AIMP2: variants seen among roughly 807,000 people sequenced by gnomAD.
The protein encoded by AIMP2 is aminoacyl tRNA synthetase complex interacting multifunctional protein 2.
In AIMP2, 20 loss-of-function variants were observed where a neutral mutation model predicts 23.4. The observed-to-expected ratio is 0.85, with a 90% CI of 0.60 to 1.24. The LOEUF is 1.24. AIMP2 is among the 50% of genes most tolerant of loss of function. The pLI is 0.00. For missense variants in AIMP2, 515 were observed against 414.5 expected (o/e 1.24, Z -2.10); for synonymous variants, 210 against 170.4 (o/e 1.23, Z -1.81).
chr7:6,015,013 C>A, intron 1 of AIMP2, 133 bp from the exon 2 acceptor site: 1 of 1,528,074 alleles, frequency 6.5e-7, no homozygotes, highest in Non-Finnish European at 8.8e-7. Context: ...AGCCACCACA[C>A]CCAGCCCATA....
chr7:6,009,272 A>G lies in AIMP2; in HGVS notation c.-92A>G, dbSNP rs182288821. 142 of 1,601,138 alleles carry G rather than the reference A, an allele frequency of 8.9e-5. 1 individual carries two copies. The African/African-American group carries it at 1.5e-3, about 16-fold the overall frequency. ...TTTCCCGAACGCCCGCAGCAGGGTC[A>G]GAAGGGAGGTGGCCGGTCTCCGTCG... On this transcript the variant is annotated 5_prime_UTR_variant, in exon 1 of 4. Transcript: ENST00000223029.
chr7:6,019,243 G>A (rs2128880251), intron 3 of AIMP2, among the ~76,000 whole-genome samples: 1 of 151,494 alleles, frequency 6.6e-6, no homozygotes, highest in African/African-American at 2.4e-5. Context: ...CTCTTGGGAG[G>A]CCGAGGCGGG....
At chr7:6,012,557 C>G (rs900921059) in intron 1 of AIMP2, 1 of 194,690 alleles carries the variant, frequency 5.1e-6, no homozygotes, top group African/African-American at 2.3e-5. Flanking sequence ...CATTCCTGAC[C>G]GAGGTTTTTT....
intron 3 of AIMP2, among the ~76,000 whole-genome samples, chr7:6,018,475 C>G (rs1276121979): frequency 6.6e-6 from 1 of 151,062 alleles, no homozygotes; most frequent in Non-Finnish European, 1.5e-5. Flanking sequence ...CAATAACTAT[C>G]TTGGAAAATT....
At chr7:6,012,949 G>A in intron 1 of AIMP2, 2 of 988,532 alleles carry the variant, frequency 2.0e-6, no homozygotes, top group Non-Finnish European at 2.4e-6. Flanking sequence ...AAGAGCAGCA[G>A]ACTAGGAGAG....
chr7:6,017,211 G>C (rs1303368199), intron 2 of AIMP2, among the ~76,000 whole-genome samples: 2 of 151,996 alleles, frequency 1.3e-5, no homozygotes, highest in African/African-American at 4.8e-5. Context: ...GGTTAAAAGG[G>C]ACAAATAAAA....
chr7:6,017,204 TA>T (rs1787077876), intron 2 of AIMP2, among the ~76,000 whole-genome samples: 1 of 151,926 alleles, frequency 6.6e-6, no homozygotes, highest in Non-Finnish European at 1.5e-5. Flanking sequence ...AACTGCAGGT[TA>T]AAAGGGACAA....
rs535927543 is a variant in AIMP2, at chr7:6,014,554, C to T, written c.136-592C>T. Among the ~76,000 whole-genome samples the T allele has an allele frequency of 2.0e-4, 31 of 151,958 alleles. No individual in the cohort carries two copies. In the East Asian group the frequency reaches 5.2e-3, roughly 26 times the overall value. On this transcript the variant is annotated intron_variant, in intron 1 of 3. Transcript: ENST00000223029. The stretch of plus-strand genomic sequence containing the variant: ...GGATTACAGGTATGAGCCACCGCAC[C>T]TGGCCTTGTTTTAAGCATTTGGGGA...
At chr7:6,022,795 G>C (rs1340321738) in intron 3 of AIMP2, 1 of 153,722 alleles carries the variant, frequency 6.5e-6, no homozygotes, top group Non-Finnish European at 1.4e-5. Flanking sequence ...ACCATCATAG[G>C]GACACTGAAG....
intron 1 of AIMP2, chr7:6,012,680 C>A: frequency 2.5e-6 from 1 of 401,516 alleles, no homozygotes; most frequent in Non-Finnish European, 4.8e-6. Flanking sequence ...CTGCCTTAGC[C>A]TCTCCAGTAG....
Position 6,023,401 on chromosome 7 carries a change from C to T in AIMP2, c.673C>T (p.His225Tyr), listed in dbSNP as rs369386259. 1 of 1,614,202 alleles carries T rather than the reference C, an allele frequency of 6.2e-7. No individual in the cohort carries two copies. Among genetic ancestry groups the T allele is most frequent in the African/African-American group, 1.3e-5 (1 of 75,048 alleles). The stretch of plus-strand genomic sequence containing the variant: ...CTTGTTCTCTCTGTTTGGCCAGAAG[C>T]ATAATGCTGTCAACGCAACCCTTAT... Reference protein sequence around the residue: ...RFLFSLFGQKHNAVNATLIDS... With the variant: ...RFLFSLFGQKYNAVNATLIDS... Residue 225 changes from histidine to tyrosine, a missense_variant, in exon 4 of 4, where the codon CAT becomes TAT. His to Tyr is a moderately conservative substitution (Grantham distance 83). Transcript: ENST00000223029.
chr7:6,009,970 A>ATACATATAT, intron 1 of AIMP2, among the ~76,000 whole-genome samples: 1 of 34,618 alleles, frequency 2.9e-5, no homozygotes, highest in African/African-American at 1.0e-4. Flanking sequence ...AAAAAAAAAA[A>ATACATATAT]AAAAATATAT....
At chr7:6,018,132 A>G in intron 3 of AIMP2, 87 bp downstream of exon 3, 1 of 821,908 alleles carries the variant, frequency 1.2e-6, no homozygotes, top group Non-Finnish European at 1.8e-6. Context: ...TTACATGTGG[A>G]TTTTTTTCTT....
intron 1 of AIMP2, among the ~76,000 whole-genome samples, chr7:6,009,796 CAG>C (rs940383307): frequency 5.9e-4 from 89 of 149,684 alleles, no homozygotes; most frequent in Non-Finnish European, 1.1e-3. Context: ...ACTAAAAATA[CAG>C]AAATTGGCCG....
intron 1 of AIMP2, among the ~76,000 whole-genome samples, chr7:6,011,834 G>A (rs1786709087): frequency 6.6e-6 from 1 of 152,162 alleles, no homozygotes; most frequent in Admixed American, 6.6e-5. Flanking sequence ...TGCAGAGTCT[G>A]TTTTATTTGT....
chr7:6,018,112 A>G (rs1787143327), intron 3 of AIMP2, 67 bp downstream of exon 3: 3 of 1,232,874 alleles, frequency 2.4e-6, no homozygotes, highest in South Asian at 1.4e-5. Flanking sequence ...TTTCACCTGC[A>G]TGAGTCCATT....
Position 6,023,829 on chromosome 7 carries a change from A to C in AIMP2, c.*138A>C. 1.3e-6 allele frequency: 2 copies of C among 1,558,804 alleles called. No homozygotes were observed. Among genetic ancestry groups the C allele is most frequent in the Admixed American group, 1.9e-5 (1 of 51,554 alleles). On this transcript the variant is annotated 3_prime_UTR_variant, in exon 4 of 4. Coordinates refer to ENST00000223029, the MANE Select transcript of AIMP2 (RefSeq NM_006303.4). ...TCAAGTGTCAATAAAAGCATCATGT[A>C]ATTTATGGTTTTCATTTTATTTAAA...
chr7:6,015,079 T>C, intron 1 of AIMP2, 67 bp from the exon 2 acceptor site: 1 of 1,607,122 alleles, frequency 6.2e-7, no homozygotes. Context: ...GTAAGACAAG[T>C]GATCAAATTT....
intron 1 of AIMP2, among the ~76,000 whole-genome samples, chr7:6,013,864 T>C (rs975429799): frequency 6.6e-6 from 1 of 151,442 alleles, no homozygotes; most frequent in African/African-American, 2.4e-5. Flanking sequence ...GGCAGGAGGA[T>C]CACTTGAGCC....
Sources: gnomAD v4.1 joint callset for allele counts (sites outside exome capture counted in the v4.1 genomes callset) on GRCh38, gnomAD v4.1.1 for gene constraint, MANE v1.5 for transcripts, NCBI Gene and HGNC (gene_info 2026-07-23, HGNC 2026-07-21) for gene names.